FNDC3A: variants seen among roughly 807,000 people sequenced by gnomAD.
The protein encoded by FNDC3A is fibronectin type-III domain-containing protein 3A.
FNDC3A carries 32 observed loss-of-function variants against 148.9 expected under a neutral mutation model. The ratio of observed to expected loss-of-function variants is 0.21; its 90% CI spans 0.16 to 0.29. The LOEUF (loss-of-function observed/expected upper bound fraction) is 0.29. Among genes scored for constraint, FNDC3A ranks in the 10% least tolerant of loss-of-function variants. FNDC3A has a pLI of 1.00. For missense variants in FNDC3A, 1,191 were observed against 1,452.8 expected, an observed-to-expected ratio of 0.82 and a Z score of 2.93; for synonymous variants, 472 against 473.6, an observed-to-expected ratio of 1.00 and a Z score of 0.04.
chr13:49,169,508 A>G (rs997334014), intron 10 of FNDC3A, among the ~76,000 whole-genome samples: 4 of 152,170 alleles, frequency 2.6e-5, no homozygotes, highest in African/African-American at 7.2e-5. Flanking sequence ...CTGCAGGGCT[A>G]TTAGCGCCCT....
chr13:49,085,866 C>T (rs1216628316), intron 3 of FNDC3A, among the ~76,000 whole-genome samples: 1 of 150,550 alleles, frequency 6.6e-6, no homozygotes, highest in Non-Finnish European at 1.5e-5. Flanking sequence ...TGATCAGTTT[C>T]CCATCCATCC....
chr13:49,000,146 G>T (rs1303327444), intron 1 of FNDC3A, among the ~76,000 whole-genome samples: 2 of 152,130 alleles, frequency 1.3e-5, no homozygotes, highest in African/African-American at 2.4e-5. Flanking sequence ...TCATATCCAA[G>T]AAATAATTGC....
chr13:49,101,910 C>T (rs1879882275), intron 3 of FNDC3A, among the ~76,000 whole-genome samples: 2 of 151,238 alleles, frequency 1.3e-5, no homozygotes, highest in Non-Finnish European at 2.9e-5. Context: ...ACAGCGTGGT[C>T]CTTGGTACCT....
At chr13:49,135,571 T>C (rs549045556) in intron 5 of FNDC3A, among the ~76,000 whole-genome samples, 1 of 152,168 alleles carries the variant, frequency 6.6e-6, no homozygotes, top group Non-Finnish European at 1.5e-5. Flanking sequence ...CATATCCTTA[T>C]AATACTCATT....
Position 49,065,322 on chromosome 13 carries a change from A to G in FNDC3A, c.100-9967A>G, listed in dbSNP as rs116201407. Among the ~76,000 whole-genome samples, 403 of 152,308 alleles carry G rather than the reference A, an allele frequency of 2.6e-3. 2 individuals carry two copies. Among genetic ancestry groups the G allele is most frequent in the Middle Eastern group, 0.01 (3 of 294 alleles). ...CCAAGAGTCACAGGGCCCAGTATCT[A>G]AGTGCTTATGAAAACCAAGTCACAT... On this transcript the variant is annotated intron_variant, in intron 2 of 25. Coordinates refer to ENST00000492622, the MANE Select transcript of FNDC3A (RefSeq NM_001079673.2).
chr13:49,142,804 A>G (rs1046750867), intron 7 of FNDC3A, among the ~76,000 whole-genome samples: 8 of 152,176 alleles, frequency 5.3e-5, no homozygotes, highest in Admixed American at 3.3e-4. Context: ...AGTTTTCCAC[A>G]TCTTATCCCA....
At chr13:49,167,133 G>T in intron 8 of FNDC3A, 111 bp from the exon 9 acceptor site, 1 of 582,260 alleles carries the variant, frequency 1.7e-6, no homozygotes, top group Admixed American at 3.2e-5. Context: ...AGTTACAGTT[G>T]GTAAAGAAAG....
intron 23 of FNDC3A, 36 bp from the exon 24 acceptor site, chr13:49,201,756 CATAAGGTA>C (rs1886427809): frequency 2.0e-6 from 2 of 982,848 alleles, no homozygotes; most frequent in Non-Finnish European, 2.9e-6. Context: ...AATAAGGTAT[CATAAGGTA>C]GTATAAGGTT....
At chr13:49,073,272 G>T (rs954411997) in intron 2 of FNDC3A, among the ~76,000 whole-genome samples, 1 of 152,028 alleles carries the variant, frequency 6.6e-6, no homozygotes, top group African/African-American at 2.4e-5. Context: ...TATGCAAAGG[G>T]TTCATACAAA....
intron 10 of FNDC3A, 147 bp from the exon 11 acceptor site, chr13:49,171,896 A>C: frequency 1.7e-6 from 1 of 578,400 alleles, no homozygotes; most frequent in Non-Finnish European, 3.1e-6. Flanking sequence ...TACAATACAT[A>C]TATTTTTGTA....
intron 1 of FNDC3A, among the ~76,000 whole-genome samples, chr13:48,995,411 G>C (rs1566179726): frequency 6.6e-6 from 1 of 151,422 alleles, no homozygotes; most frequent in East Asian, 1.9e-4. Context: ...TATGAAAAAA[G>C]TGAGCATGGG....
rs1048512702 is a variant in FNDC3A, at chr13:49,053,023, C to T, written c.100-22266C>T. ...TGGGAAAGCCGGCACTCACAGGCCT[C>T]ACCCTGCTCCCACTCGGCCGCAGTC... On this transcript the variant is annotated intron_variant, in intron 2 of 25. Coordinates refer to ENST00000492622, the MANE Select transcript of FNDC3A (RefSeq NM_001079673.2). Among the ~76,000 whole-genome samples the T allele has an allele frequency of 2.0e-5, 3 of 152,286 alleles. No individual in the cohort carries two copies. In the South Asian group the frequency reaches 6.2e-4, roughly 32 times the overall value.
chr13:49,007,158 TAAAAAC>T (rs1163419750), intron 2 of FNDC3A, among the ~76,000 whole-genome samples: 2 of 152,096 alleles, frequency 1.3e-5, no homozygotes, highest in African/African-American at 2.4e-5. Flanking sequence ...TTGGAAAACT[TAAAAAC>T]AAGAAAGTCA....
At chr13:49,077,553 C>A (rs558051780) in intron 3 of FNDC3A, among the ~76,000 whole-genome samples, 7 of 152,178 alleles carry the variant, frequency 4.6e-5, no homozygotes, top group Non-Finnish European at 1.0e-4. Flanking sequence ...CCTTATATAT[C>A]TGAGAGTTAA....
chr13:49,030,032 G>A (rs1215874343), intron 2 of FNDC3A, among the ~76,000 whole-genome samples: 1 of 152,144 alleles, frequency 6.6e-6, no homozygotes, highest in Non-Finnish European at 1.5e-5. Context: ...TCCACCAAAT[G>A]TTTAAGGGAG....
chr13:49,010,240 G>C (rs1435843903), intron 2 of FNDC3A, among the ~76,000 whole-genome samples: 1 of 152,190 alleles, frequency 6.6e-6, no homozygotes, highest in Non-Finnish European at 1.5e-5. Flanking sequence ...GGGCTGTAAG[G>C]GTGATCCCTG....
At chr13:49,186,810 G>C (rs1372343408) in intron 15 of FNDC3A, among the ~76,000 whole-genome samples, 2 of 152,238 alleles carry the variant, frequency 1.3e-5, no homozygotes, top group Non-Finnish European at 2.9e-5. Context: ...AGAGGTTGCA[G>C]TGAGTCGAGA....
intron 1 of FNDC3A, among the ~76,000 whole-genome samples, chr13:48,991,814 A>AAATATG (rs1244730626): frequency 1.3e-5 from 2 of 152,232 alleles, no homozygotes; most frequent in African/African-American, 4.8e-5. Context: ...CACCTGGTTA[A>AAATATG]AATATGTCAG....
rs767119056 is a variant in FNDC3A at position 49,198,201 on chromosome 13, T to G, written c.2710T>G (p.Ser904Ala). 3.7e-6 allele frequency: 6 copies of G among 1,613,992 alleles called. No homozygotes were observed. The highest frequency in any genetic ancestry group is 5.1e-6 in the Non-Finnish European group (6 of 1,179,988). ...AYSIDFGDKQ[S>A]LTVGKVTSYI... ...CAGCATAGACTTTGGAGATAAACAA[T>G]CCCTAACAGTGGGAAAGGTTACAAG... is the stretch of plus-strand genomic sequence containing the variant. The change falls in exon 22 of 26, where the codon TCC becomes GCC. Residue 904 changes from serine to alanine, a missense_variant. Ser to Ala is a moderately conservative substitution (Grantham distance 99). Around this residue, in one of 3 missense-constraint regions of FNDC3A, gnomAD observed 751 missense variants for 944.0 expected, o/e 0.80. Coordinates refer to ENST00000492622, the MANE Select transcript of FNDC3A (RefSeq NM_001079673.2).
Sources: allele counts gnomAD v4.1 joint callset (sites outside exome capture counted in the v4.1 genomes callset), GRCh38; gene constraint gnomAD v4.1.1; regional missense constraint gnomAD v4.1.1; transcripts MANE v1.5; gene names NCBI Gene and HGNC (gene_info 2026-07-23, HGNC 2026-07-21).